Variants in DYNLRB1 observed in about 807,000 individuals in gnomAD.
DYNLRB1 encodes the protein dynein light chain roadblock-type 1, also known as ROBL/LC7-like 1.
DYNLRB1 carries 6 observed loss-of-function variants against 13.5 expected under a neutral mutation model. That is an observed-to-expected ratio of 0.44 (90% CI 0.24 to 0.88). The LOEUF is 0.88. Among genes scored for constraint, DYNLRB1 ranks in the 40% least tolerant of loss-of-function variants. The pLI is 0.21. For synonymous variants in DYNLRB1, 43 were observed against 45.0 expected, an observed-to-expected ratio of 0.96 and a Z score of 0.18; for missense variants, 93 against 127.2, an observed-to-expected ratio of 0.73 and a Z score of 1.29.
chr20:34,522,474 T>C (rs1015428454), intron 1 of DYNLRB1, among the ~76,000 whole-genome samples: 17 of 129,192 alleles, frequency 1.3e-4, no homozygotes, highest in South Asian at 7.8e-4. Context: ...TTTTTCTTTT[T>C]TTTTTTTTTT....
intron 2 of DYNLRB1, among the ~76,000 whole-genome samples, chr20:34,527,891 G>A (rs1261685896): frequency 1.3e-5 from 2 of 152,208 alleles, no homozygotes; most frequent in Non-Finnish European, 2.9e-5. Flanking sequence ...GCTACCCTGG[G>A]AGTAGAGGTA....
intron 2 of DYNLRB1, among the ~76,000 whole-genome samples, chr20:34,528,692 G>A (rs887463429): frequency 4.6e-5 from 7 of 152,274 alleles, no homozygotes; most frequent in Admixed American, 4.6e-4. Flanking sequence ...ATGGCTGGGC[G>A]TGGTGCATGG....
intron 3 of DYNLRB1, among the ~76,000 whole-genome samples, chr20:34,537,431 C>A (rs763050241): frequency 1.3e-4 from 20 of 152,112 alleles, no homozygotes; most frequent in Middle Eastern, 3.2e-3. Context: ...AGCAAATATC[C>A]ATTGATTAAA....
Position 34,534,654 on chromosome 20 carries a change from A to G in DYNLRB1, c.106A>G (p.Asn36Asp), listed in dbSNP as rs1980983626. Reference protein sequence around the residue: ...EGIPIKSTMDNPTTTQYASLM... With the variant: ...EGIPIKSTMDDPTTTQYASLM... ...CATTCCCATCAAGAGCACCATGGAC[A>G]ACCCCACCACCACCCAGTATGCCAG... Residue 36 changes from asparagine (N) to aspartate (D), a missense_variant, in exon 3 of 4, where the codon AAC (asparagine) becomes GAC (aspartate). By Grantham distance (23) the Asn-to-Asp change is conservative. Transcript: ENST00000357156. 1 of 1,577,968 alleles carries G rather than the reference A, an allele frequency of 6.3e-7. No individual in the cohort carries two copies. The highest frequency in any genetic ancestry group is 1.3e-5 in the African/African-American group (1 of 74,454).
chr20:34,533,454 G>A (rs556398620), intron 2 of DYNLRB1: 1 of 985,420 alleles, frequency 1.0e-6, no homozygotes, highest in South Asian at 4.7e-5. Flanking sequence ...TGCTACCCAA[G>A]CCTCCCTTGG....
chr20:34,520,142 A>T (rs1309062673), intron 1 of DYNLRB1, among the ~76,000 whole-genome samples: 1 of 152,188 alleles, frequency 6.6e-6, no homozygotes, highest in Non-Finnish European at 1.5e-5. Flanking sequence ...ATAAATAAAT[A>T]AAATTAAAAA....
At position 34,535,691 on chromosome 20, in the gene DYNLRB1, G is replaced by A. The variant is rs561745277; in HGVS notation, c.247+896G>A. ...CGTATGCGCGTGATGGTGCACTCCCGCTGCAGTGCCGCTTATCTAGGGCAT... is the reference window on the plus strand; with the variant it reads ...CGTATGCGCGTGATGGTGCACTCCCACTGCAGTGCCGCTTATCTAGGGCAT... On this transcript the variant is annotated intron_variant, in intron 3 of 3. Coordinates refer to ENST00000357156, the MANE Select transcript of DYNLRB1 (RefSeq NM_014183.4). The A allele has an allele frequency of 2.6e-5, 26 of 985,336 alleles. No individual in the cohort carries two copies. In the East Asian group the frequency reaches 5.7e-4, roughly 22 times the overall value. The allele number at this position is 985,336 out of a possible 1,614,324, so 61.0% of individuals were successfully genotyped here. A position where few individuals can be genotyped will look rare whatever the true frequency, so the allele number is the denominator to read the frequency against.
intron 3 of DYNLRB1, among the ~76,000 whole-genome samples, chr20:34,539,589 T>C (rs1484170139): frequency 6.6e-6 from 1 of 151,886 alleles, no homozygotes; most frequent in Non-Finnish European, 1.5e-5. Context: ...GATCTGCAAC[T>C]TCTGCCTCCC....
chr20:34,537,908 G>A (rs1168115116), intron 3 of DYNLRB1, among the ~76,000 whole-genome samples: 3 of 151,692 alleles, frequency 2.0e-5, no homozygotes, highest in African/African-American at 2.4e-5. Flanking sequence ...ACAGCAGCAG[G>A]TGTTCCAGAC....
chr20:34,519,970 C>G (rs1979576042), intron 1 of DYNLRB1, among the ~76,000 whole-genome samples: 1 of 152,092 alleles, frequency 6.6e-6, no homozygotes, highest in Non-Finnish European at 1.5e-5. Flanking sequence ...TCTGTCTCTA[C>G]TAAAAATACG....
At chr20:34,527,242 C>T (rs185757490) in intron 2 of DYNLRB1, among the ~76,000 whole-genome samples, 1 of 152,308 alleles carries the variant, frequency 6.6e-6, no homozygotes, top group Admixed American at 6.5e-5. Flanking sequence ...GCCCCCAGAC[C>T]CTCACGCTCC....
At chr20:34,517,722 A>G (rs1180044145) in intron 1 of DYNLRB1, among the ~76,000 whole-genome samples, 3 of 140,728 alleles carry the variant, frequency 2.1e-5, no homozygotes, top group Non-Finnish European at 4.5e-5. Flanking sequence ...TCCGCCTCCC[A>G]GGTTCAAGTG....
At chr20:34,533,968 C>G (rs1980916499) in intron 2 of DYNLRB1, among the ~76,000 whole-genome samples, 1 of 152,142 alleles carries the variant, frequency 6.6e-6, no homozygotes, top group South Asian at 2.1e-4. Context: ...GAAACCTTGT[C>G]TCTACTAAAA....
Position 34,540,705 on chromosome 20 carries a change from C to A in DYNLRB1, c.*81C>A. ...AATGTCAATCATGTCAGTGGACTAG[C>A]ACATGGCAGTCGCTTGGAACCCACT... is the stretch of plus-strand genomic sequence containing the variant. On this transcript the variant is annotated 3_prime_UTR_variant, in exon 4 of 4. Transcript: ENST00000357156. The A allele has an allele frequency of 6.9e-7, 1 of 1,452,706 alleles. No individual in the cohort carries two copies. Among genetic ancestry groups the A allele is most frequent in the Non-Finnish European group, 9.6e-7 (1 of 1,041,502 alleles). The allele number at this position is 1,452,706 out of a possible 1,614,324, so 90.0% of individuals were successfully genotyped here.
At chr20:34,533,524 T>C (rs1382149717) in intron 2 of DYNLRB1, 14 of 985,434 alleles carry the variant, frequency 1.4e-5, no homozygotes, top group Non-Finnish European at 1.7e-5. Flanking sequence ...TACTTTTTAG[T>C]GTGTAGAAGT....
In DYNLRB1 at chr20:34,540,644, G is replaced by A. The variant is rs1194188388; in HGVS notation, c.*20G>A. The A allele has an allele frequency of 2.5e-6, 4 of 1,612,188 alleles. No homozygotes were observed. Among genetic ancestry groups the A allele is most frequent in the South Asian group, 1.1e-5 (1 of 90,866 alleles). On this transcript the variant is annotated 3_prime_UTR_variant, in exon 4 of 4. Transcript: ENST00000357156. ...GAATAAGCCACTCTCTTGGCTCCCT[G>A]TGTCATTCCTTAATTTAATGCCCCC...
At chr20:34,515,788 CAG>C (rs1201512482), upstream of DYNLRB1, among the ~76,000 whole-genome samples, 1 of 152,200 alleles carries the variant, frequency 6.6e-6, no homozygotes, top group East Asian at 1.9e-4. Flanking sequence ...ACGCTCCACT[CAG>C]GGACTCCAGA....
rs376815152 is a variant in DYNLRB1 at position 34,518,781 on chromosome 20, A to C, written c.3+2320A>C. 4.6e-5 allele frequency among the ~76,000 whole-genome samples: 7 copies of C among 152,214 alleles called. No individual in the cohort carries two copies. The East Asian group carries it at 1.3e-3, about 29-fold the overall frequency. On this transcript the variant is annotated intron_variant, in intron 1 of 3. Transcript: ENST00000357156. Reference sequence around the variant, plus strand: ...TAGTTTCTTATGCATCTATACAAGCACTTATATGGCCCCCCTTTTTCTTAC... The same window carrying C: ...TAGTTTCTTATGCATCTATACAAGCCCTTATATGGCCCCCCTTTTTCTTAC...
intron 2 of DYNLRB1, among the ~76,000 whole-genome samples, chr20:34,532,120 G>A (rs1321424779): frequency 4.6e-5 from 7 of 152,222 alleles, no homozygotes; most frequent in Non-Finnish European, 5.9e-5. Context: ...CTGTGTTTTA[G>A]CAAGGCCCTT....
Sources: allele counts gnomAD v4.1 joint callset (sites outside exome capture counted in the v4.1 genomes callset), GRCh38; gene constraint gnomAD v4.1.1; transcripts MANE v1.5; gene names NCBI Gene and HGNC (gene_info 2026-07-23, HGNC 2026-07-21).